The following CORO1C variants were observed in gnomAD, a reference collection of about 807,000 sequenced individuals.
The protein encoded by CORO1C is coronin 1C.
In CORO1C, 14 loss-of-function variants were observed where a neutral mutation model predicts 51.2. The observed-to-expected ratio is 0.27, with a 90% CI of 0.18 to 0.43. CORO1C has a LOEUF of 0.43. Among genes scored for constraint, CORO1C ranks in the 20% least tolerant of loss-of-function variants. CORO1C has a pLI of 1.00. For missense variants in CORO1C, 417 were observed against 607.8 expected, an observed-to-expected ratio of 0.69 and a Z score of 3.30; for synonymous variants, 181 against 210.5, an observed-to-expected ratio of 0.86 and a Z score of 1.21.
Position 108,714,384 on chromosome 12 carries a change from C to T in CORO1C, c.-5-13061G>A, listed in dbSNP as rs1253143317. ...TCCAGCCTGCAGCCTGGCAACAGAG[C>T]GAGAGTCAGTCTCAAAAAAAAAAAA... On this transcript the variant is annotated intron_variant, in intron 1 of 10. Transcript: ENST00000261401. Among the ~76,000 whole-genome samples the T allele has an allele frequency of 3.5e-5, 4 of 115,902 alleles. No individual in the cohort carries two copies. The South Asian group carries it at 9.5e-4, about 27-fold the overall frequency. The allele number at this position is 115,902 out of a possible 152,430, so 76.0% of individuals were successfully genotyped here. A position where few individuals can be genotyped will look rare whatever the true frequency, so the allele number is the denominator to read the frequency against.
chr12:108,660,451 CAAAAA>C (rs139334112), intron 4 of CORO1C, among the ~76,000 whole-genome samples: 5 of 87,504 alleles, frequency 5.7e-5, no homozygotes, highest in African/African-American at 8.6e-5. Flanking sequence ...AACTCCATCT[CAAAAA>C]AAAAAAAAAA....
chr12:108,654,326 T>C lies in CORO1C; in HGVS notation c.835A>G (p.Ile279Val), dbSNP rs567311731. ...TTTACCTTTCCACATAAGTAAATGA[T>C]GCTGGTGTCAGGGTCATAGAAAGGC... is the stretch of plus-strand genomic sequence containing the variant. ...LLPFYDPDTS[I>V]IYLCGKGDSS... The change falls in exon 7 of 11, where the codon ATC becomes GTC. Residue 279 changes from isoleucine (I) to valine (V), a missense_variant. Physicochemically the swap from Ile to Val is conservative, Grantham distance 29. Coordinates refer to ENST00000261401, the MANE Select transcript of CORO1C (RefSeq NM_014325.4). 6.8e-6 allele frequency: 11 copies of C among 1,610,408 alleles called. No homozygotes were observed. Among genetic ancestry groups the C allele is most frequent in the Middle Eastern group, 1.7e-4 (1 of 6,056 alleles).
intron 1 of CORO1C, among the ~76,000 whole-genome samples, chr12:108,703,560 G>A (rs1220988678): frequency 6.6e-6 from 1 of 152,194 alleles, no homozygotes; most frequent in East Asian, 1.9e-4. Context: ...GTCTCAGGAG[G>A]AGCGCACAAA....
In CORO1C at chr12:108,657,346, C is replaced by G. The variant is rs188618736; in HGVS notation, c.708G>C (p.Gly236=). 3.1e-6 allele frequency: 5 copies of G among 1,614,112 alleles called. No individual in the cohort carries two copies. The Admixed American group carries it at 8.3e-5, about 27-fold the overall frequency. Residue 236 remains glycine, a synonymous_variant, in exon 6 of 11, where the codon GGG becomes GGC. Coordinates refer to ENST00000261401, the MANE Select transcript of CORO1C (RefSeq NM_014325.4). The part of the protein sequence containing the change: ...FLADGNVFTT[G]FSRMSERQLA... ...GCTGCCGCTCGCTCATGCGGCTGAA[C>G]CCAGTGGTGAAGACATTGCCATCGG... is the stretch of plus-strand genomic sequence containing the variant.
chr12:108,701,081 C>CT (rs1293817641), intron 2 of CORO1C, 43 bp downstream of exon 2: 1 of 1,592,454 alleles, frequency 6.3e-7, no homozygotes, highest in Admixed American at 1.7e-5. Context: ...AGTATGGAGA[C>CT]TATCAGAGGG....
chr12:108,708,493 GCT>G (rs2035091102), intron 1 of CORO1C, among the ~76,000 whole-genome samples: 1 of 146,856 alleles, frequency 6.8e-6, no homozygotes, highest in Non-Finnish European at 1.5e-5. Context: ...ATGGAGTCTT[GCT>G]CTGTTGCCCA....
chr12:108,679,005 G>T (rs2034016705), intron 2 of CORO1C, among the ~76,000 whole-genome samples: 1 of 150,586 alleles, frequency 6.6e-6, no homozygotes, highest in Non-Finnish European at 1.5e-5. Context: ...CAGCTACTTG[G>T]GAGGCTGAGG....
At chr12:108,680,526 G>A (rs1029588549) in intron 2 of CORO1C, among the ~76,000 whole-genome samples, 1 of 152,242 alleles carries the variant, frequency 6.6e-6, no homozygotes, top group African/African-American at 2.4e-5. Context: ...TGCCCAGAGT[G>A]TAGTCATGGT....
intron 2 of CORO1C, among the ~76,000 whole-genome samples, chr12:108,698,445 T>C (rs2034760978): frequency 6.6e-6 from 1 of 152,272 alleles, no homozygotes; most frequent in South Asian, 2.1e-4. Context: ...TCTCACTCTG[T>C]CGTCCAGGCT....
intron 3 of CORO1C, 114 bp downstream of exon 3, chr12:108,678,158 T>C: frequency 2.4e-6 from 2 of 832,806 alleles, no homozygotes. Context: ...TCAAAACTGC[T>C]ATAACGTTCT....
chr12:108,655,375 CCT>C (rs1222311838), intron 6 of CORO1C, among the ~76,000 whole-genome samples: 1 of 150,642 alleles, frequency 6.6e-6, no homozygotes, highest in Non-Finnish European at 1.5e-5. Flanking sequence ...TCCCCCTCCC[CCT>C]CTCCCTCTCC....
At chr12:108,647,568 A>C (rs373745426) in intron 10 of CORO1C, 46 bp from the exon 11 acceptor site, 14 of 1,451,282 alleles carry the variant, frequency 9.6e-6, no homozygotes, top group Non-Finnish European at 1.2e-5. Context: ...GCAGTAAACA[A>C]AGTTCAACAC....
chr12:108,727,931 T>C (rs1463783480), intron 1 of CORO1C, among the ~76,000 whole-genome samples: 1 of 152,248 alleles, frequency 6.6e-6, no homozygotes, highest in Non-Finnish European at 1.5e-5. Flanking sequence ...GCAGAGCATT[T>C]GAATGGACAT....
chr12:108,691,758 C>T (rs1033674453), intron 2 of CORO1C, among the ~76,000 whole-genome samples: 2 of 152,168 alleles, frequency 1.3e-5, no homozygotes, highest in Non-Finnish European at 2.9e-5. Context: ...GGGCCGGCTG[C>T]TGTGGACATA....
At chr12:108,709,925 A>AT (rs1429685087) in intron 1 of CORO1C, among the ~76,000 whole-genome samples, 2 of 152,262 alleles carry the variant, frequency 1.3e-5, no homozygotes, top group Non-Finnish European at 2.9e-5. Flanking sequence ...CATCTCAGTA[A>AT]TAAAGAGGAA....
At chr12:108,714,506 C>A (rs1363154113) in intron 1 of CORO1C, among the ~76,000 whole-genome samples, 1 of 151,604 alleles carries the variant, frequency 6.6e-6, no homozygotes, top group Admixed American at 6.6e-5. Flanking sequence ...ATTACAGGTG[C>A]GGTGGTTCAC....
At chr12:108,681,094 G>A (rs1200649163) in intron 2 of CORO1C, among the ~76,000 whole-genome samples, 2 of 152,052 alleles carry the variant, frequency 1.3e-5, no homozygotes, top group Non-Finnish European at 2.9e-5. Context: ...GCTCACTCCT[G>A]GCCTCAAGAG....
chr12:108,700,686 T>A (rs2136864828), intron 2 of CORO1C, among the ~76,000 whole-genome samples: 1 of 151,878 alleles, frequency 6.6e-6, no homozygotes, highest in South Asian at 2.1e-4. Flanking sequence ...GAAAAAGGGC[T>A]CATCCTTATG....
In CORO1C at chr12:108,701,187, T is replaced by C. The variant is rs753453125; in HGVS notation, c.132A>G (p.Arg44=). 8.7e-6 allele frequency: 14 copies of C among 1,613,996 alleles called. No homozygotes were observed. The highest frequency in any genetic ancestry group is 1.3e-5 in the African/African-American group (1 of 74,902). Residue 44 remains arginine (R), a synonymous_variant, in exon 2 of 11, where the codon AGA becomes AGG. Coordinates refer to ENST00000261401, the MANE Select transcript of CORO1C (RefSeq NM_014325.4). The part of the protein sequence containing the change: ...WDSSFCAVNP[R]FVAIIIEASG... ...TTGCCTCTATGATTATGGCAACAAA[T>C]CTGGGATTGACAGCACAAAAGGAAC...
Sources: gnomAD v4.1 joint callset for allele counts (sites outside exome capture counted in the v4.1 genomes callset) on GRCh38, gnomAD v4.1.1 for gene constraint, MANE v1.5 for transcripts, NCBI Gene and HGNC (gene_info 2026-07-23, HGNC 2026-07-21) for gene names.